Variants in THADA observed in about 807,000 individuals in gnomAD.
THADA encodes THADA armadillo repeat containing, also known as tRNA (32-2'-O)-methyltransferase regulator THADA.
Under a neutral mutation model 219.8 loss-of-function variants are expected in THADA, and 213 were observed. That is an observed-to-expected ratio of 0.97 (90% CI 0.87 to 1.09). THADA has a LOEUF of 1.09. Ranked by LOEUF, THADA falls within the 50% of genes least tolerant of loss-of-function variation. The pLI is 0.00. For synonymous variants in THADA, 1,018 were observed against 828.9 expected, an observed-to-expected ratio of 1.23 and a Z score of -3.92; for missense variants, 2,956 against 2,311.3, an observed-to-expected ratio of 1.28 and a Z score of -5.72.
chr2:43,375,524 AATTACTGG>A (rs1238752875), intron 29 of THADA, among the ~76,000 whole-genome samples: 2 of 152,196 alleles, frequency 1.3e-5, no homozygotes, highest in African/African-American at 4.8e-5. Context: ...TTAGCTTTTC[AATTACTGG>A]ATGACATCTA....
chr2:43,541,194 G>C lies in THADA; in HGVS notation c.3229C>G (p.Pro1077Ala). 6.2e-7 allele frequency: 1 copy of C among 1,602,394 alleles called. No individual in the cohort carries two copies. Among genetic ancestry groups the C allele is most frequent in the Non-Finnish European group, 8.5e-7 (1 of 1,175,956 alleles). The change falls in exon 21 of 38, where the codon CCA (proline) becomes GCA (alanine). Residue 1077 changes from proline to alanine, a missense_variant. Physicochemically the swap from Pro to Ala is conservative, Grantham distance 27 (BLOSUM62 -1). Transcript: ENST00000405975. Reference protein sequence around the residue: ...LCQLLPMQPVPESSDGLLTVE... With the variant: ...LCQLLPMQPVAESSDGLLTVE... ...GTCAATAATCCATCAGAAGATTCTG[G>C]CACAGGCTGCATGGGCAGAAGCTGG... is the stretch of plus-strand genomic sequence containing the variant.
intron 26 of THADA, among the ~76,000 whole-genome samples, chr2:43,469,687 A>G (rs1684676371): frequency 6.8e-6 from 1 of 148,008 alleles, no homozygotes; most frequent in Non-Finnish European, 1.5e-5. Context: ...CCAAAAAAAC[A>G]TGCCTCTCTC....
chr2:43,582,978 T>A (rs79881356), intron 7 of THADA, among the ~76,000 whole-genome samples: 4,929 of 152,234 alleles, frequency 0.032, 278 homozygotes, highest in African/African-American at 0.11. Context: ...TCTTTTTATG[T>A]TAGGAATGTC....
chr2:43,258,865 G>A (rs1228524213), intron 36 of THADA, among the ~76,000 whole-genome samples: 1 of 152,044 alleles, frequency 6.6e-6, no homozygotes, highest in African/African-American at 2.4e-5. Flanking sequence ...GGCTGTTTTG[G>A]CCCCCTCCCC....
intron 26 of THADA, among the ~76,000 whole-genome samples, chr2:43,464,884 T>C (rs1353051711): frequency 1.3e-5 from 2 of 152,110 alleles, no homozygotes; most frequent in Non-Finnish European, 2.9e-5. Flanking sequence ...TAGCAAAAGA[T>C]TTCTTGAGCA....
intron 29 of THADA, among the ~76,000 whole-genome samples, chr2:43,386,197 A>G (rs1381729998): frequency 3.9e-5 from 6 of 152,234 alleles, no homozygotes; most frequent in Non-Finnish European, 7.3e-5. Flanking sequence ...TTGGCCAAAA[A>G]GGTGAACATT....
intron 29 of THADA, among the ~76,000 whole-genome samples, chr2:43,376,190 C>T (rs1035937800): frequency 1.3e-5 from 2 of 152,184 alleles, no homozygotes; most frequent in African/African-American, 2.4e-5. Context: ...ATGGCTTCCC[C>T]TGTCTTACTA....
intron 16 of THADA, among the ~76,000 whole-genome samples, chr2:43,559,338 T>G (rs978688898): frequency 2.6e-5 from 4 of 152,176 alleles, no homozygotes; most frequent in African/African-American, 9.7e-5. Flanking sequence ...ATAGATGTTC[T>G]ACATAGCCAT....
chr2:43,404,390 T>G, intron 28 of THADA, among the ~76,000 whole-genome samples: 1 of 151,008 alleles, frequency 6.6e-6, no homozygotes, highest in Middle Eastern at 3.4e-3. Flanking sequence ...TTTTTTTTTT[T>G]TTTAAAGTAG....
At chr2:43,493,418 C>A (rs1350494493) in intron 25 of THADA, among the ~76,000 whole-genome samples, 1 of 152,106 alleles carries the variant, frequency 6.6e-6, no homozygotes, top group Non-Finnish European at 1.5e-5. Flanking sequence ...TCGCTTGAAC[C>A]CGGGAGGCAG....
chr2:43,574,737 C>T lies in THADA; in HGVS notation c.1328G>A (p.Ser443Asn). The part of the protein sequence containing the change: ...PDPFFVELTE[S>N]LLRLEWHIKG... ...AATATGCCATTCCAATCGTAAAAGA[C>T]TCTCAGTCAATTCCACAAAGAAAGG... The change falls in exon 11 of 38, where the codon AGT (serine) becomes AAT (asparagine). Residue 443 changes from serine (S) to asparagine (N), a missense_variant. Coordinates refer to ENST00000405975, the MANE Select transcript of THADA (RefSeq NM_022065.5). 1.2e-6 allele frequency: 2 copies of T among 1,614,034 alleles called. No individual in the cohort carries two copies. Among genetic ancestry groups the T allele is most frequent in the Non-Finnish European group, 8.5e-7 (1 of 1,179,894 alleles).
intron 22 of THADA, among the ~76,000 whole-genome samples, chr2:43,516,980 CT>C (rs1384998525): frequency 6.6e-6 from 1 of 152,142 alleles, no homozygotes. Context: ...AAGATATTAA[CT>C]TCCTGATCAT....
chr2:43,552,366 G>C, intron 17 of THADA, 27 bp from the exon 18 acceptor site: 1 of 1,576,434 alleles, frequency 6.3e-7, no homozygotes, highest in Non-Finnish European at 8.6e-7. Context: ...GAAAATCAAA[G>C]TAATGTCAAT....
At chr2:43,296,082 G>A (rs1055868449) in intron 31 of THADA, among the ~76,000 whole-genome samples, 4 of 151,920 alleles carry the variant, frequency 2.6e-5, no homozygotes, top group Non-Finnish European at 5.9e-5. Flanking sequence ...ACCACGCCTG[G>A]CTAATTTTTG....
At chr2:43,279,193 G>T (rs555233811) in intron 36 of THADA, among the ~76,000 whole-genome samples, 1 of 152,108 alleles carries the variant, frequency 6.6e-6, no homozygotes, top group Non-Finnish European at 1.5e-5. Flanking sequence ...CCGCTTATAC[G>T]ACGGCTGCGA....
chr2:43,537,746 C>T (rs1261439487), intron 21 of THADA, among the ~76,000 whole-genome samples: 1 of 151,900 alleles, frequency 6.6e-6, no homozygotes, highest in Non-Finnish European at 1.5e-5. Context: ...GTGGGAGGAT[C>T]GCTTTAGTCC....
intron 23 of THADA, among the ~76,000 whole-genome samples, chr2:43,508,298 A>C (rs980866045): frequency 7.2e-5 from 11 of 152,072 alleles, no homozygotes; most frequent in African/African-American, 2.7e-4. Context: ...TGAAAGGAAG[A>C]CTATTTTTAA....
At chr2:43,524,892 A>G (rs138057905) in intron 22 of THADA, among the ~76,000 whole-genome samples, 272 of 152,292 alleles carry the variant, frequency 1.8e-3, no homozygotes, top group Admixed American at 3.9e-3. Context: ...CCATTCAACC[A>G]CAGTTATTCA....
chr2:43,497,472 T>C (rs1688405579), intron 25 of THADA, among the ~76,000 whole-genome samples: 1 of 152,082 alleles, frequency 6.6e-6, no homozygotes, highest in Admixed American at 6.5e-5. Context: ...CACTCATAAT[T>C]GGGAGCTGAA....
Sources: gnomAD v4.1 joint callset for allele counts (sites outside exome capture counted in the v4.1 genomes callset) on GRCh38, gnomAD v4.1.1 for gene constraint, MANE v1.5 for transcripts, NCBI Gene and HGNC (gene_info 2026-07-23, HGNC 2026-07-21) for gene names.